The following ANAPC5 variants were observed in gnomAD, a reference collection of about 807,000 sequenced individuals.
The protein encoded by ANAPC5 is anaphase promoting complex subunit 5.
ANAPC5 carries 60 observed loss-of-function variants against 91.3 expected under a neutral mutation model. The ratio of observed to expected loss-of-function variants is 0.66; its 90% CI spans 0.53 to 0.81. The LOEUF (loss-of-function observed/expected upper bound fraction) is 0.81. Ranked by LOEUF, ANAPC5 falls within the 40% of genes least tolerant of loss-of-function variation. The pLI is 0.00. For missense variants in ANAPC5, 690 were observed against 931.5 expected (o/e 0.74, Z 3.37); for synonymous variants, 340 against 364.1 (o/e 0.93, Z 0.75).
chr12:121,318,449 G>C (rs188832984), intron 14 of ANAPC5, 25 bp from the exon 15 acceptor site: 1 of 1,611,580 alleles, frequency 6.2e-7, no homozygotes, highest in East Asian at 2.2e-5. Context: ...GAAAACACAG[G>C]ATGAGAAGAT....
At chr12:121,352,909 G>A (rs1004278775), upstream of ANAPC5, among the ~76,000 whole-genome samples, 3 of 152,058 alleles carry the variant, frequency 2.0e-5, no homozygotes, top group African/African-American at 7.2e-5. Flanking sequence ...GCTTGTTCAT[G>A]TAATTTGAAA....
At chr12:121,319,102 T>C (rs1902492531) in intron 13 of ANAPC5, among the ~76,000 whole-genome samples, 2 of 129,468 alleles carry the variant, frequency 1.5e-5, no homozygotes. Context: ...GTGAGCATGC[T>C]GTGTATACAC....
chr12:121,313,065 C>T (rs1353269396), intron 15 of ANAPC5, among the ~76,000 whole-genome samples: 1 of 152,208 alleles, frequency 6.6e-6, no homozygotes, highest in Non-Finnish European at 1.5e-5. Context: ...GTGGTTCACG[C>T]CTGTAATCCC....
upstream of ANAPC5, among the ~76,000 whole-genome samples, chr12:121,352,822 A>C (rs1335069400): frequency 2.7e-5 from 4 of 149,708 alleles, no homozygotes; most frequent in Non-Finnish European, 6.0e-5. Flanking sequence ...CTCAAAGAGC[A>C]CTGCACCCTC....
chr12:121,352,718 T>TTGG (rs377308371), upstream of ANAPC5, among the ~76,000 whole-genome samples: 1 of 102,432 alleles, frequency 9.8e-6, no homozygotes, highest in East Asian at 2.9e-4. Flanking sequence ...GTTGTTGTTG[T>TTGG]TGGTGGTGGT....
At chr12:121,312,990 AAAG>A (rs1308769671) in intron 15 of ANAPC5, among the ~76,000 whole-genome samples, 1 of 152,204 alleles carries the variant, frequency 6.6e-6, no homozygotes, top group African/African-American at 2.4e-5. Context: ...ATTACAAAAG[AAAG>A]AAGATCTCAA....
In ANAPC5 at chr12:121,320,102, G is replaced by A. The variant is rs575982400; in HGVS notation, c.1515+283C>T. Among the ~76,000 whole-genome samples, 170 of 152,080 alleles carry A rather than the reference G, an allele frequency of 1.1e-3. 1 individual carries two copies. The highest frequency in any genetic ancestry group is 3.8e-3 in the African/African-American group (159 of 41,456). The stretch of plus-strand genomic sequence containing the variant: ...CAATGAAGTCCTTTGCAAATTCTAC[G>A]TCTCTTTCTCTTTTTTCAAAGTAGG... On this transcript the variant is annotated intron_variant, in intron 12 of 16. Coordinates refer to ENST00000261819, the MANE Select transcript of ANAPC5 (RefSeq NM_016237.5).
chr12:121,308,696 C>T lies in ANAPC5; in HGVS notation c.2057-5G>A, dbSNP rs770207933. On this transcript the variant is annotated splice_region_variant and splice_polypyrimidine_tract_variant and intron_variant, in intron 16 of 16. Transcript: ENST00000261819. ...TCTCGATGGCAGCCTCCAGAGCTGA[C>T]GGAAAGGGGAAAATAACACACACAT... The T allele has an allele frequency of 5.6e-6, 9 of 1,612,772 alleles. No homozygotes were observed. Among genetic ancestry groups the T allele is most frequent in the South Asian group, 3.3e-5 (3 of 91,030 alleles).
intron 15 of ANAPC5, among the ~76,000 whole-genome samples, chr12:121,317,474 G>A (rs1279481844): frequency 1.3e-5 from 2 of 151,564 alleles, no homozygotes; most frequent in Admixed American, 6.6e-5. Context: ...GGCTGGTCTT[G>A]AACTCCTGAC....
In ANAPC5 at chr12:121,350,403, C is replaced by A. The variant is rs561287788; in HGVS notation, c.207+1731G>T. Reference sequence around the variant, plus strand: ...CACTTTCTGTAAGAAATCCTCGGGCCGGGCGCGGTGGCTCATGCCTGTAAT... The same window carrying A: ...CACTTTCTGTAAGAAATCCTCGGGCAGGGCGCGGTGGCTCATGCCTGTAAT... On this transcript the variant is annotated intron_variant, in intron 1 of 16. Transcript: ENST00000261819. Among the ~76,000 whole-genome samples, 23 of 152,306 alleles carry A rather than the reference C, an allele frequency of 1.5e-4. 1 individual carries two copies. In the South Asian group the frequency reaches 4.8e-3, roughly 32 times the overall value.
At chr12:121,353,504 G>A (rs1183960976), upstream of ANAPC5, among the ~76,000 whole-genome samples, 7 of 152,122 alleles carry the variant, frequency 4.6e-5, no homozygotes, top group Non-Finnish European at 8.8e-5. Flanking sequence ...GCAGTGGCGC[G>A]ATCTCTGCTC....
chr12:121,352,635 G>A (rs1024395613), upstream of ANAPC5, among the ~76,000 whole-genome samples: 3 of 147,926 alleles, frequency 2.0e-5, no homozygotes. Flanking sequence ...GGGACCGGAT[G>A]GGAGGGGAAG....
chr12:121,344,398 G>A (rs1406686151), intron 4 of ANAPC5, among the ~76,000 whole-genome samples: 3 of 152,140 alleles, frequency 2.0e-5, no homozygotes, highest in Non-Finnish European at 2.9e-5. Flanking sequence ...GGCCAACACA[G>A]TGAAACCCCA....
intron 12 of ANAPC5, among the ~76,000 whole-genome samples, 181 bp downstream of exon 12, chr12:121,320,204 T>C (rs1902541389): frequency 6.6e-6 from 1 of 152,200 alleles, no homozygotes; most frequent in Non-Finnish European, 1.5e-5. Flanking sequence ...CTAAACAACA[T>C]AGAGTATGAG....
chr12:121,344,537 T>C (rs1903585488), intron 4 of ANAPC5, among the ~76,000 whole-genome samples: 3 of 151,258 alleles, frequency 2.0e-5, no homozygotes, highest in East Asian at 1.9e-4. Flanking sequence ...TGAGTCAAGA[T>C]TGTGCCATTG....
At chr12:121,322,000 G>A (rs1419609257) in intron 11 of ANAPC5, among the ~76,000 whole-genome samples, 1 of 151,820 alleles carries the variant, frequency 6.6e-6, no homozygotes, top group African/African-American at 2.4e-5. Flanking sequence ...TGAGTAGCTG[G>A]GATTACAGGT....
intron 9 of ANAPC5, among the ~76,000 whole-genome samples, chr12:121,330,132 ATTTC>A (rs782035585): frequency 8.5e-5 from 13 of 152,194 alleles, no homozygotes; most frequent in Non-Finnish European, 1.8e-4. Context: ...TCTGTCACGT[ATTTC>A]TTCTCTGTTG....
rs1555272775 is a variant in ANAPC5 at position 121,330,573 on chromosome 12, T to C, written c.1122+10A>G. On this transcript the variant is annotated intron_variant, in intron 9 of 16. Coordinates refer to ENST00000261819, the MANE Select transcript of ANAPC5 (RefSeq NM_016237.5). ...TTATGGAAACAATCTCACAGAAAGA[T>C]GAGCCTTACCGGTAACCCAAAATGT... is the stretch of plus-strand genomic sequence containing the variant. 6.2e-7 allele frequency: 1 copy of C among 1,610,172 alleles called. No individual in the cohort carries two copies. Among genetic ancestry groups the C allele is most frequent in the Non-Finnish European group, 8.5e-7 (1 of 1,178,040 alleles).
At chr12:121,352,107 G>GAGCAGGAGCC in intron 1 of ANAPC5, 27 bp downstream of exon 1, 2 of 1,581,576 alleles carry the variant, frequency 1.3e-6, no homozygotes, top group Non-Finnish European at 1.7e-6. Flanking sequence ...TTTGCTGCAC[G>GAGCAGGAGCC]AGCAGGAGCC....
Sources: gnomAD v4.1 joint callset for allele counts (sites outside exome capture counted in the v4.1 genomes callset) on GRCh38, gnomAD v4.1.1 for gene constraint, MANE v1.5 for transcripts, NCBI Gene and HGNC (gene_info 2026-07-23, HGNC 2026-07-21) for gene names.